The following CCDC102B variants were observed in gnomAD, a reference collection of about 807,000 sequenced individuals.
The protein encoded by CCDC102B is coiled-coil domain containing 102B.
A neutral mutation model predicts 57.4 loss-of-function variants in CCDC102B; 75 were observed. The observed-to-expected ratio is 1.31, with a 90% confidence interval of 1.08 to 1.58. The LOEUF (loss-of-function observed/expected upper bound fraction) is 1.58. Among genes scored for constraint, CCDC102B ranks in the 40% most tolerant of loss-of-function variants. The pLI is 0.00. For synonymous variants in CCDC102B, 206 were observed against 201.9 expected (o/e 1.02, Z -0.17); for missense variants, 636 against 582.6 (o/e 1.09, Z -0.94).
At chr18:68,938,948 C>T (rs1005283861) in intron 6 of CCDC102B, among the ~76,000 whole-genome samples, 2 of 151,456 alleles carry the variant, frequency 1.3e-5, no homozygotes, top group Admixed American at 6.6e-5. Context: ...CCCCTGAGTA[C>T]TTCATTATTA....
At chr18:68,995,450 G>C (rs2050998284) in intron 6 of CCDC102B, among the ~76,000 whole-genome samples, 1 of 152,126 alleles carries the variant, frequency 6.6e-6, no homozygotes, top group South Asian at 2.1e-4. Flanking sequence ...CCAGAGGCTT[G>C]TTGCTTTGTG....
chr18:68,716,098 T>A (rs140198210), intron 1 of CCDC102B, among the ~76,000 whole-genome samples: 1 of 151,850 alleles, frequency 6.6e-6, no homozygotes, highest in Non-Finnish European at 1.5e-5. Context: ...AATTTTTCTT[T>A]TTCTTTCTCT....
Position 68,960,344 on chromosome 18 carries a change from G to GAGCTCTA in CCDC102B, c.1264-50590_1264-50589insAGCTCTA, listed in dbSNP as rs1568355292. ...CCAGAAGGTAAGGCCTGTATTGGGG[G>GAGCTCTA]CCTGATGCCCTATTCTACTGTGGCT... is the stretch of plus-strand genomic sequence containing the variant. On this transcript the variant is annotated intron_variant, in intron 6 of 7. Coordinates refer to ENST00000360242, the MANE Select transcript of CCDC102B (RefSeq NM_024781.3). Among the ~76,000 whole-genome samples, 379 of 152,066 alleles carry GAGCTCTA rather than the reference G, an allele frequency of 2.5e-3. 1 individual carries two copies. Among genetic ancestry groups the GAGCTCTA allele is most frequent in the African/African-American group, 8.4e-3 (349 of 41,476 alleles).
At chr18:68,981,346 A>C (rs1371112220) in intron 6 of CCDC102B, among the ~76,000 whole-genome samples, 1 of 152,036 alleles carries the variant, frequency 6.6e-6, no homozygotes, top group African/African-American at 2.4e-5. Flanking sequence ...GGGAAGTTTT[A>C]TTGGACTAAT....
chr18:68,915,903 A>C (rs1299215772), intron 6 of CCDC102B, among the ~76,000 whole-genome samples: 3 of 152,208 alleles, frequency 2.0e-5, no homozygotes, highest in African/African-American at 7.2e-5. Context: ...AGGCAGAATG[A>C]GTTTACAAAT....
At chr18:68,814,277 CT>C (rs34712146) in intron 1 of CCDC102B, among the ~76,000 whole-genome samples, 44,256 of 152,014 alleles carry the variant, frequency 0.29, 7,268 homozygotes, top group Non-Finnish European at 0.39. Flanking sequence ...CAATTAATCA[CT>C]TTTTTTCTAG....
chr18:69,031,750 T>C (rs1313142007), intron 7 of CCDC102B, among the ~76,000 whole-genome samples: 7 of 152,128 alleles, frequency 4.6e-5, no homozygotes, highest in Non-Finnish European at 8.8e-5. Context: ...TAGTAGATTA[T>C]CACCTGTGTA....
intron 6 of CCDC102B, among the ~76,000 whole-genome samples, chr18:68,992,115 T>G (rs1031647956): frequency 2.0e-5 from 3 of 152,166 alleles, no homozygotes; most frequent in Admixed American, 2.0e-4. Context: ...CATTTGGTTC[T>G]CTGATTCAAA....
At chr18:68,747,390 G>A (rs940860792) in intron 2 of CCDC102B, among the ~76,000 whole-genome samples, 3 of 151,894 alleles carry the variant, frequency 2.0e-5, no homozygotes, top group African/African-American at 7.3e-5. Context: ...ATCATATCCT[G>A]GAAACAAACT....
chr18:68,830,378 T>A (rs1182919021), intron 1 of CCDC102B, among the ~76,000 whole-genome samples: 1 of 151,930 alleles, frequency 6.6e-6, no homozygotes, highest in Non-Finnish European at 1.5e-5. Flanking sequence ...GGCTATACAG[T>A]TCCAGCAGAG....
At chr18:68,956,535 T>C (rs2049891595) in intron 6 of CCDC102B, among the ~76,000 whole-genome samples, 1 of 8,282 alleles carries the variant, frequency 1.2e-4, no homozygotes, top group South Asian at 3.5e-3. Flanking sequence ...ATATATTATA[T>C]ATTTTATATA....
At chr18:68,945,209 A>G (rs1210012416) in intron 6 of CCDC102B, among the ~76,000 whole-genome samples, 1 of 151,840 alleles carries the variant, frequency 6.6e-6, no homozygotes, top group African/African-American at 2.4e-5. Flanking sequence ...TTGAATAAAT[A>G]AATGACAATC....
At chr18:68,860,475 C>CAAAAAAAAAAAAAAAAAAAAAAAAA (rs1169097862) in intron 4 of CCDC102B, among the ~76,000 whole-genome samples, 9 of 53,040 alleles carry the variant, frequency 1.7e-4, no homozygotes, top group Admixed American at 6.6e-4. Flanking sequence ...AAAACAAAAA[C>CAAAAAAAAAAAAAAAAAAAAAAAAA]AAAAAAAAAA....
intron 6 of CCDC102B, among the ~76,000 whole-genome samples, chr18:68,962,819 C>T (rs577110861): frequency 4.6e-5 from 7 of 152,016 alleles, no homozygotes; most frequent in East Asian, 3.9e-4. Context: ...GGAAGTCTTC[C>T]GGCTTACTTC....
chr18:68,941,202 T>A (rs756863718), intron 6 of CCDC102B, among the ~76,000 whole-genome samples: 1 of 151,492 alleles, frequency 6.6e-6, no homozygotes, highest in Non-Finnish European at 1.5e-5. Flanking sequence ...TTTAATGAGA[T>A]GTTAAAGAAA....
chr18:68,894,672 A>G (rs2040184392), intron 5 of CCDC102B, among the ~76,000 whole-genome samples: 1 of 151,898 alleles, frequency 6.6e-6, no homozygotes, highest in South Asian at 2.1e-4. Context: ...AATAAAAACT[A>G]AAACTTCTTA....
intron 2 of CCDC102B, among the ~76,000 whole-genome samples, chr18:68,784,293 G>T (rs111527315): frequency 0.024 from 3,657 of 152,142 alleles, 140 homozygotes; most frequent in African/African-American, 0.083. Flanking sequence ...CGTCTCACAT[G>T]GTGGGAGCAG....
At chr18:69,016,505 G>A (rs183170662) in intron 7 of CCDC102B, among the ~76,000 whole-genome samples, 219 of 152,212 alleles carry the variant, frequency 1.4e-3, no homozygotes, top group African/African-American at 5.1e-3. Context: ...AATAGATAAA[G>A]GGGAAAAATC....
intron 2 of CCDC102B, among the ~76,000 whole-genome samples, chr18:68,747,392 A>T (rs540937214): frequency 1.3e-5 from 2 of 152,108 alleles, no homozygotes; most frequent in Non-Finnish European, 2.9e-5. Context: ...CATATCCTGG[A>T]AACAAACTTT....
Sources: allele counts gnomAD v4.1 joint callset (sites outside exome capture counted in the v4.1 genomes callset), GRCh38; gene constraint gnomAD v4.1.1; transcripts MANE v1.5; gene names NCBI Gene and HGNC (gene_info 2026-07-23, HGNC 2026-07-21).